Variants in ARSG observed in about 807,000 individuals in gnomAD.
The protein encoded by ARSG is ASG.
Under a neutral mutation model 50.5 loss-of-function variants are expected in ARSG, and 37 were observed. The observed-to-expected ratio is 0.73, with a 90% CI of 0.56 to 0.96. The LOEUF is 0.96. Ranked by LOEUF, ARSG falls within the 50% of genes least tolerant of loss-of-function variation. The pLI, the probability that ARSG is intolerant of heterozygous loss-of-function variation, is 0.00. For missense variants in ARSG, 629 were observed against 675.3 expected (o/e 0.93, Z 0.76); for synonymous variants, 225 against 254.6 (o/e 0.88, Z 1.11).
chr17:68,278,177 G>A, intron 1 of ARSG: 1 of 1,614,062 alleles, frequency 6.2e-7, no homozygotes, highest in Non-Finnish European at 8.5e-7. Context: ...AGTCATTAAA[G>A]AAGACACCAA....
chr17:68,419,317 T>C (rs2082599024), intron 11 of ARSG, among the ~76,000 whole-genome samples: 2 of 152,182 alleles, frequency 1.3e-5, no homozygotes, highest in African/African-American at 2.4e-5. Context: ...TCCCAGCACT[T>C]TGGGAGGCCG....
At position 68,420,532 on chromosome 17, in the gene ARSG, T is replaced by C; in HGVS notation, c.*69T>C. The C allele has an allele frequency of 6.6e-7, 1 of 1,524,572 alleles. No individual in the cohort carries two copies. Among genetic ancestry groups the C allele is most frequent in the South Asian group, 1.2e-5 (1 of 83,298 alleles). The allele number at this position is 1,524,572 out of a possible 1,614,324, so 94.4% of individuals were successfully genotyped here. A position where few individuals can be genotyped will look rare whatever the true frequency, so the allele number is the denominator to read the frequency against. ...GCAAGTTTGCTTCCAAATTTCATTT[T>C]TACCCTCTTTACAAACACACGCTTT... is the stretch of plus-strand genomic sequence containing the variant. On this transcript the variant is annotated 3_prime_UTR_variant, in exon 12 of 12. Transcript: ENST00000621439.
chr17:68,289,284 C>A (rs1450553262), upstream of ARSG, among the ~76,000 whole-genome samples: 1 of 152,072 alleles, frequency 6.6e-6, no homozygotes, highest in Non-Finnish European at 1.5e-5. Flanking sequence ...GGGAGTGAGA[C>A]CCTGCCTCTA....
At chr17:68,331,808 G>T (rs1468464115) in intron 2 of ARSG, among the ~76,000 whole-genome samples, 1 of 152,166 alleles carries the variant, frequency 6.6e-6, no homozygotes, top group East Asian at 1.9e-4. Context: ...ATCACATGTT[G>T]GCAGGTTCCG....
chr17:68,268,800 C>G, intron 1 of ARSG: 1 of 352,484 alleles, frequency 2.8e-6, no homozygotes, highest in Admixed American at 4.5e-5. Context: ...GAATGTGAAC[C>G]AAAGAGTCTT....
At chr17:68,396,049 C>T (rs1231568525) in intron 10 of ARSG, among the ~76,000 whole-genome samples, 1 of 150,080 alleles carries the variant, frequency 6.7e-6, no homozygotes, top group African/African-American at 2.5e-5. Flanking sequence ...TGCTCTGTCA[C>T]CCAGGCTGGA....
upstream of ARSG, among the ~76,000 whole-genome samples, chr17:68,286,665 C>T (rs1379479869): frequency 6.6e-6 from 1 of 152,000 alleles, no homozygotes; most frequent in African/African-American, 2.4e-5. Context: ...CCATCATGCC[C>T]GGTTGATTTT....
intron 8 of ARSG, among the ~76,000 whole-genome samples, chr17:68,371,614 C>A (rs1462639232): frequency 2.0e-5 from 3 of 152,158 alleles, no homozygotes; most frequent in African/African-American, 7.2e-5. Context: ...ATACGCATAT[C>A]ATTTGATGCA....
chr17:68,335,031 C>G (rs1275967488), intron 2 of ARSG, among the ~76,000 whole-genome samples: 1 of 152,128 alleles, frequency 6.6e-6, no homozygotes, highest in Non-Finnish European at 1.5e-5. Context: ...GGGTCTCACT[C>G]TGTCACCCAG....
chr17:68,307,802 C>A, intron 2 of ARSG, 91 bp downstream of exon 2: 1 of 695,838 alleles, frequency 1.4e-6, no homozygotes, highest in South Asian at 1.8e-5. Context: ...CTTAAAGAGT[C>A]ATTGATGGAC....
chr17:68,393,330 T>C (rs533550358), intron 9 of ARSG, among the ~76,000 whole-genome samples: 2 of 151,476 alleles, frequency 1.3e-5, no homozygotes, highest in South Asian at 4.2e-4. Flanking sequence ...TGTAACGCCC[T>C]GGACGAGTCC....
chr17:68,324,140 C>T (rs2077407632), intron 2 of ARSG, among the ~76,000 whole-genome samples: 1 of 149,644 alleles, frequency 6.7e-6, no homozygotes, highest in Admixed American at 6.6e-5. Flanking sequence ...AAGTAAAGGA[C>T]TTTTTTGATG....
chr17:68,369,970 AG>A (rs2079744886), intron 7 of ARSG, among the ~76,000 whole-genome samples: 1 of 152,142 alleles, frequency 6.6e-6, no homozygotes, highest in Admixed American at 6.5e-5. Flanking sequence ...TCTCATATCA[AG>A]GGTTGTTCTT....
intron 1 of ARSG, among the ~76,000 whole-genome samples, chr17:68,260,433 A>G (rs2075055178): frequency 6.6e-6 from 1 of 152,180 alleles, no homozygotes; most frequent in Non-Finnish European, 1.5e-5. Context: ...GGGTTGCTCA[A>G]AGTTGGAGAA....
Position 68,387,540 on chromosome 17 carries a change from G to A in ARSG, c.1091+2368G>A, listed in dbSNP as rs1032963028. 1.4e-4 allele frequency among the ~76,000 whole-genome samples: 22 copies of A among 152,266 alleles called. 1 individual carries two copies. In the East Asian group the frequency reaches 3.9e-3, roughly 27 times the overall value. ...GAATCCATGTTAAGCAAATTTGGGC[G>A]GAGTTTCCTACTGCCTGGACAGGCT... On this transcript the variant is annotated intron_variant, in intron 9 of 11. Coordinates refer to ENST00000621439, the MANE Select transcript of ARSG (RefSeq NM_001267727.2).
intron 2 of ARSG, among the ~76,000 whole-genome samples, chr17:68,309,214 C>T (rs570715219): frequency 2.2e-4 from 34 of 152,244 alleles, no homozygotes; most frequent in Non-Finnish European, 4.4e-5. Flanking sequence ...GTGCGGGGCC[C>T]GCCAAGCCCA....
At position 68,269,764 on chromosome 17, in the gene ARSG, C is replaced by T. The variant is rs187734019; in HGVS notation, c.-552+10338C>T. Among the ~76,000 whole-genome samples, 448 of 144,652 alleles carry T rather than the reference C, an allele frequency of 3.1e-3. 6 individuals carry two copies. The highest frequency in any genetic ancestry group is 0.011 in the African/African-American group (410 of 38,950). 94.9% of individuals were successfully genotyped at this position (144,652 alleles called of 152,430 possible). On this transcript the variant is annotated intron_variant, in intron 1 of 11. Transcript: ENST00000448504. ...TCTCAGGTCACTGCAACCTCTGCCTCCCAGGTTCAAGCGATTCTCCTGCCT... is the reference window on the plus strand; with the variant it reads ...TCTCAGGTCACTGCAACCTCTGCCTTCCAGGTTCAAGCGATTCTCCTGCCT...
chr17:68,270,296 C>A (rs1298193239), intron 1 of ARSG, among the ~76,000 whole-genome samples: 1 of 152,124 alleles, frequency 6.6e-6, no homozygotes, highest in Admixed American at 6.5e-5. Flanking sequence ...TGGCTCACAC[C>A]TGTAATCCTA....
chr17:68,276,830 G>A (rs1335669017), intron 1 of ARSG, among the ~76,000 whole-genome samples: 2 of 152,144 alleles, frequency 1.3e-5, no homozygotes, highest in African/African-American at 2.4e-5. Context: ...ACAGACCAAT[G>A]AACTCATGAG....
Sources: allele counts gnomAD v4.1 joint callset (sites outside exome capture counted in the v4.1 genomes callset), GRCh38; gene constraint gnomAD v4.1.1; transcripts MANE v1.5; gene names NCBI Gene and HGNC (gene_info 2026-07-23, HGNC 2026-07-21).